The following RYR3 variants were observed in gnomAD, a reference collection of about 807,000 sequenced individuals.
RYR3 encodes the protein brain ryanodine receptor-calcium release channel.
RYR3 carries 207 observed loss-of-function variants against 584.3 expected under a neutral mutation model. That is an observed-to-expected ratio of 0.35 (90% CI 0.32 to 0.40). RYR3 has a LOEUF of 0.40. Ranked by LOEUF, RYR3 falls within the 10% of genes least tolerant of loss-of-function variation. The pLI is 1.00. For missense variants in RYR3, 5,616 were observed against 6,089.2 expected, an observed-to-expected ratio of 0.92 and a Z score of 2.59; for synonymous variants, 2,416 against 2,248.5, an observed-to-expected ratio of 1.07 and a Z score of -2.11.
chr15:33,554,042 G>A (rs1172854279), intron 10 of RYR3, among the ~76,000 whole-genome samples: 1 of 152,130 alleles, frequency 6.6e-6, no homozygotes. Context: ...CACAGTGAGC[G>A]CCTTCTCATG....
rs1287097498 is a variant in RYR3, at chr15:33,311,474, C to T, written c.51+378C>T. 7.9e-5 allele frequency among the ~76,000 whole-genome samples: 12 copies of T among 152,178 alleles called. No individual in the cohort carries two copies. The highest frequency in any genetic ancestry group is 7.9e-4 in the Admixed American group (12 of 15,286). ...TTGGAAGCCCTCGCCCCGGGGTCGG[C>T]CCTCTGACACCTCCATACTCCACCC... On this transcript the variant is annotated intron_variant, in intron 1 of 103. Coordinates refer to ENST00000634891, the MANE Select transcript of RYR3 (RefSeq NM_001036.6). The surrounding 1 kb of genome is among the most constrained non-coding windows in gnomAD (Gnocchi z 4.4).
At chr15:33,802,361 C>T (rs1316427553) in intron 69 of RYR3, among the ~76,000 whole-genome samples, 3 of 152,208 alleles carry the variant, frequency 2.0e-5, no homozygotes, top group African/African-American at 4.8e-5. Flanking sequence ...TTTGACAGCA[C>T]GTACTCTTAC....
chr15:33,345,967 T>C (rs146973490), intron 1 of RYR3, among the ~76,000 whole-genome samples: 65 of 152,348 alleles, frequency 4.3e-4, no homozygotes, highest in African/African-American at 1.5e-3. Context: ...TTTAGTAACT[T>C]TGTGTTTTTA....
At chr15:33,364,573 C>T (rs1975218404) in intron 1 of RYR3, among the ~76,000 whole-genome samples, 1 of 152,094 alleles carries the variant, frequency 6.6e-6, no homozygotes, top group Non-Finnish European at 1.5e-5. Flanking sequence ...AATATTTGGG[C>T]CTGTAGAGGC....
chr15:33,468,455 A>C (rs1207953369), intron 1 of RYR3, among the ~76,000 whole-genome samples: 1 of 152,070 alleles, frequency 6.6e-6, no homozygotes, highest in Non-Finnish European at 1.5e-5. Flanking sequence ...GAAGCTATGG[A>C]CTCCAAAGCC....
At chr15:33,324,991 A>T (rs1167317977) in intron 1 of RYR3, among the ~76,000 whole-genome samples, 2 of 152,222 alleles carry the variant, frequency 1.3e-5, no homozygotes, top group Non-Finnish European at 2.9e-5. Flanking sequence ...AGGACTAAAC[A>T]CACATATGGG....
intron 18 of RYR3, among the ~76,000 whole-genome samples, chr15:33,611,598 A>ATTTTTTGG (rs985479857): frequency 6.6e-6 from 1 of 151,956 alleles, no homozygotes; most frequent in African/African-American, 2.4e-5. Context: ...AAATATATAT[A>ATTTTTTGG]ACTCCATCAA....
At chr15:33,475,641 C>T (rs938923426) in intron 2 of RYR3, among the ~76,000 whole-genome samples, 3 of 152,190 alleles carry the variant, frequency 2.0e-5, no homozygotes, top group African/African-American at 7.2e-5. Context: ...CTTTAGGGCA[C>T]AGGCTGTGAG....
chr15:33,351,096 G>A (rs980125713), intron 1 of RYR3, among the ~76,000 whole-genome samples: 1 of 152,160 alleles, frequency 6.6e-6, no homozygotes. Flanking sequence ...CGATCCCACA[G>A]AAATACAAAC....
Position 33,662,208 on chromosome 15 carries a change from C to G in RYR3, c.4678C>G (p.His1560Asp), listed in dbSNP as rs778637615. The change falls in exon 35 of 104, where the codon CAC (histidine) becomes GAC (aspartate). Residue 1560 changes from histidine (H) to aspartate (D), a missense_variant. Physicochemically the swap from His to Asp is moderately conservative, Grantham distance 81. Coordinates refer to ENST00000634891, the MANE Select transcript of RYR3 (RefSeq NM_001036.6). ...EQEDLMRFHY[H>D]TLRLYSAVCA... ...GGAGGACCTGATGCGGTTCCATTAC[C>G]ACACGCTGAGGCTCTACAGCGCGGT... The G allele has an allele frequency of 4.4e-6, 7 of 1,608,112 alleles. No homozygotes were observed. In the South Asian group the frequency reaches 7.8e-5, roughly 18 times the overall value.
intron 18 of RYR3, among the ~76,000 whole-genome samples, chr15:33,604,874 G>T (rs1340302499): frequency 6.6e-6 from 1 of 152,204 alleles, no homozygotes; most frequent in Non-Finnish European, 1.5e-5. Flanking sequence ...TTATGCTCAT[G>T]CACCTTTGCG....
chr15:33,603,625 C>T lies in RYR3; in HGVS notation c.2164+261C>T, dbSNP rs559758453. ...CTGTATGAGCCTTATTGTACGGAATCGTTAGGATTATATGAACAGAGACTC... is the reference window on the plus strand; with the variant it reads ...CTGTATGAGCCTTATTGTACGGAATTGTTAGGATTATATGAACAGAGACTC... On this transcript the variant is annotated intron_variant, in intron 18 of 103. Coordinates refer to ENST00000634891, the MANE Select transcript of RYR3 (RefSeq NM_001036.6). 1.8e-4 allele frequency among the ~76,000 whole-genome samples: 27 copies of T among 152,258 alleles called. 1 individual carries two copies. In the South Asian group the frequency reaches 5.0e-3, roughly 28 times the overall value.
chr15:33,858,132 C>G (rs2079899097), intron 99 of RYR3: 3 of 602,672 alleles, frequency 5.0e-6, no homozygotes, highest in Non-Finnish European at 8.5e-6. Context: ...TACCACACAT[C>G]TAAGCCCCGT....
At chr15:33,610,466 C>G (rs1253504259) in intron 18 of RYR3, among the ~76,000 whole-genome samples, 2 of 152,148 alleles carry the variant, frequency 1.3e-5, no homozygotes, top group Non-Finnish European at 2.9e-5. Context: ...GATCCCCAGT[C>G]CCAGGTGTAG....
rs1306278957 is a variant in RYR3 at position 33,864,103 on chromosome 15, C to G, written c.14466-35C>G. On this transcript the variant is annotated intron_variant, in intron 102 of 103. Coordinates refer to ENST00000634891, the MANE Select transcript of RYR3 (RefSeq NM_001036.6). ...CCATGCGAATGAACTTGGGTCTTGACCAGAGTATCTAATACTATCTTTTCC... is the reference window on the plus strand; with the variant it reads ...CCATGCGAATGAACTTGGGTCTTGAGCAGAGTATCTAATACTATCTTTTCC... The G allele has an allele frequency of 1.9e-6, 3 of 1,539,468 alleles. No homozygotes were observed. In the African/African-American group the frequency reaches 4.2e-5, roughly 22 times the overall value.
chr15:33,323,095 G>A (rs1199438196), intron 1 of RYR3, among the ~76,000 whole-genome samples: 1 of 151,600 alleles, frequency 6.6e-6, no homozygotes, highest in Admixed American at 6.6e-5. Flanking sequence ...TATAATATAT[G>A]ATATGATATT....
At position 33,827,402 on chromosome 15, in the gene RYR3, G is replaced by A. The variant is rs565398240; in HGVS notation, c.11334+115G>A. 2.9e-4 allele frequency: 253 copies of A among 866,236 alleles called. No homozygotes were observed. In the African/African-American group the frequency reaches 3.8e-3, roughly 13 times the overall value. 53.7% of individuals were successfully genotyped at this position (866,236 alleles called of 1,614,324 possible). A position where few individuals can be genotyped will look rare whatever the true frequency, so the allele number is the denominator to read the frequency against. ...ACAGTCAAGCCCCTATAAGGAAGGC[G>A]TTGTAACGTGTATCCACAGATGCAT... On this transcript the variant is annotated intron_variant, in intron 85 of 103. Coordinates refer to ENST00000634891, the MANE Select transcript of RYR3 (RefSeq NM_001036.6).
intron 74 of RYR3, 169 bp downstream of exon 74, chr15:33,813,748 T>G (rs893735068): frequency 1.3e-4 from 74 of 573,212 alleles, no homozygotes; most frequent in Non-Finnish European, 1.9e-4. Flanking sequence ...ACAATCAAGG[T>G]AAGCATAAAA....
intron 57 of RYR3, among the ~76,000 whole-genome samples, chr15:33,751,506 T>C (rs2071304493): frequency 6.6e-6 from 1 of 152,228 alleles, no homozygotes; most frequent in Non-Finnish European, 1.5e-5. Context: ...CTTTTTTTCG[T>C]ATGCCAGTTG....
Sources: gnomAD v4.1 joint callset for allele counts (sites outside exome capture counted in the v4.1 genomes callset) on GRCh38, gnomAD v4.1.1 for gene constraint, Gnocchi (gnomAD v3.1) non-coding constraint, MANE v1.5 for transcripts, NCBI Gene and HGNC (gene_info 2026-07-23, HGNC 2026-07-21) for gene names.